CPO: variants seen among roughly 807,000 people sequenced by gnomAD.
The protein encoded by CPO is metallocarboxypeptidase C.
Under a neutral mutation model 41.2 loss-of-function variants are expected in CPO, and 43 were observed. The ratio of observed to expected loss-of-function variants is 1.04; its 90% CI spans 0.82 to 1.35. CPO has a LOEUF of 1.35. Among genes scored for constraint, CPO ranks in the 40% most tolerant of loss-of-function variants. The pLI is 0.00. For missense variants in CPO, 408 were observed against 451.7 expected (o/e 0.90, Z 0.88); for synonymous variants, 178 against 162.7 (o/e 1.09, Z -0.72).
intron 1 of CPO, 62 bp from the exon 2 acceptor site, chr2:206,949,555 G>T: frequency 1.6e-6 from 2 of 1,240,262 alleles, no homozygotes; most frequent in Non-Finnish European, 2.4e-6. Flanking sequence ...TCAACAACCC[G>T]CCAACCCTCA....
intron 3 of CPO, among the ~76,000 whole-genome samples, chr2:206,956,061 C>T (rs1693351534): frequency 6.6e-6 from 1 of 152,154 alleles, no homozygotes; most frequent in African/African-American, 2.4e-5. Context: ...CAGATGTCAG[C>T]ACAGCCAGGG....
At chr2:206,966,431 G>A (rs1432792410) in intron 7 of CPO, among the ~76,000 whole-genome samples, 2 of 152,150 alleles carry the variant, frequency 1.3e-5, no homozygotes, top group African/African-American at 2.4e-5. Flanking sequence ...TCAGAAGGGA[G>A]TGTGGTTGGT....
At chr2:206,948,949 G>A (rs549473315) in intron 1 of CPO, among the ~76,000 whole-genome samples, 4 of 152,172 alleles carry the variant, frequency 2.6e-5, no homozygotes, top group Admixed American at 2.6e-4. Flanking sequence ...TCTATAGCAG[G>A]GAAGATTGTG....
intron 2 of CPO, among the ~76,000 whole-genome samples, chr2:206,950,932 G>A (rs1433248530): frequency 1.3e-5 from 2 of 151,938 alleles, no homozygotes; most frequent in Non-Finnish European, 2.9e-5. Flanking sequence ...GTTGTGGGTG[G>A]GGTGGGGGCC....
At chr2:206,961,572 G>C (rs1693478862) in intron 6 of CPO, among the ~76,000 whole-genome samples, 1 of 152,176 alleles carries the variant, frequency 6.6e-6, no homozygotes, top group South Asian at 2.1e-4. Flanking sequence ...TACATGGGAA[G>C]TGTTGGGCAC....
intron 1 of CPO, among the ~76,000 whole-genome samples, chr2:206,948,244 G>A (rs938397754): frequency 1.3e-5 from 2 of 152,186 alleles, no homozygotes; most frequent in Non-Finnish European, 2.9e-5. Flanking sequence ...ATTACACAGT[G>A]CTAATAAAGA....
At chr2:206,957,052 C>T (rs1473285241) in intron 3 of CPO, among the ~76,000 whole-genome samples, 1 of 152,104 alleles carries the variant, frequency 6.6e-6, no homozygotes, top group African/African-American at 2.4e-5. Flanking sequence ...AAACATGTAA[C>T]TAGCATACAC....
intron 6 of CPO, among the ~76,000 whole-genome samples, chr2:206,961,958 C>T (rs377605359): frequency 6.6e-5 from 10 of 151,298 alleles, no homozygotes; most frequent in African/African-American, 2.2e-4. Flanking sequence ...AAATTAGCCT[C>T]GCGTGGTGGC....
intron 2 of CPO, 100 bp from the exon 3 acceptor site, chr2:206,955,363 T>C: frequency 1.3e-6 from 1 of 778,128 alleles, no homozygotes; most frequent in South Asian, 1.4e-5. Flanking sequence ...AGAGCAAAGA[T>C]AACAGAGTTC....
chr2:206,959,498 G>A (rs114698382), intron 4 of CPO, 133 bp from the exon 5 acceptor site: 49 of 591,978 alleles, frequency 8.3e-5, no homozygotes, highest in South Asian at 3.3e-4. Context: ...AATAAGACAC[G>A]GAGGAGGGCT....
chr2:206,953,307 T>TATC (rs1693299362), intron 2 of CPO, among the ~76,000 whole-genome samples: 2 of 152,182 alleles, frequency 1.3e-5, no homozygotes, highest in African/African-American at 2.4e-5. Context: ...AGCAAGTTAG[T>TATC]TACTTCCTAG....
intron 1 of CPO, 144 bp downstream of exon 1, chr2:206,939,811 T>A (rs1379762719): frequency 1.0e-5 from 5 of 491,760 alleles, no homozygotes; most frequent in African/African-American, 3.9e-5. Flanking sequence ...TAAAGACCAC[T>A]GAAATTTATC....
At chr2:206,958,442 C>T (rs1274622330) in intron 4 of CPO, 37 bp downstream of exon 4, 1 of 1,152,152 alleles carries the variant, frequency 8.7e-7, no homozygotes, top group East Asian at 2.5e-5. Flanking sequence ...GGTAAATCAC[C>T]CCCATAAAAT....
At chr2:206,948,966 T>C (rs1352136352) in intron 1 of CPO, among the ~76,000 whole-genome samples, 3 of 152,046 alleles carry the variant, frequency 2.0e-5, no homozygotes, top group African/African-American at 4.8e-5. Context: ...TGTGCATGTG[T>C]GAGAATAGCA....
chr2:206,964,423 A>G (rs1184825814), intron 7 of CPO, among the ~76,000 whole-genome samples: 1 of 152,146 alleles, frequency 6.6e-6, no homozygotes, highest in Non-Finnish European at 1.5e-5. Context: ...TATTACATTC[A>G]CTTTGGAGTA....
At chr2:206,959,847 A>G (rs893329183) in intron 5 of CPO, 106 bp downstream of exon 5, 3 of 559,422 alleles carry the variant, frequency 5.4e-6, no homozygotes, top group Non-Finnish European at 9.8e-6. Flanking sequence ...TTTCATACCT[A>G]TGTAAAGAAA....
intron 1 of CPO, among the ~76,000 whole-genome samples, chr2:206,941,224 A>C (rs1693024107): frequency 6.6e-6 from 1 of 151,958 alleles, no homozygotes; most frequent in African/African-American, 2.4e-5. Context: ...TTTGGAAACA[A>C]CTTGAATGTC....
chr2:206,958,586 CT>C (rs1222936921), intron 4 of CPO, among the ~76,000 whole-genome samples, 181 bp downstream of exon 4: 1 of 152,126 alleles, frequency 6.6e-6, no homozygotes, highest in Non-Finnish European at 1.5e-5. Flanking sequence ...AATTAATATT[CT>C]GATCTCTTTC....
chr2:206,953,090 T>A (rs750465419), intron 2 of CPO, among the ~76,000 whole-genome samples: 49 of 152,332 alleles, frequency 3.2e-4, no homozygotes, highest in Non-Finnish European at 1.8e-4. Flanking sequence ...CAATTCATGA[T>A]GAGTTTTGAG....
Sources: allele counts gnomAD v4.1 joint callset (sites outside exome capture counted in the v4.1 genomes callset), GRCh38; gene constraint gnomAD v4.1.1; transcripts MANE v1.5; gene names NCBI Gene and HGNC (gene_info 2026-07-23, HGNC 2026-07-21).